Variants in CCDC192 observed in about 807,000 individuals in gnomAD.
CCDC192 encodes the protein coiled-coil domain-containing protein 192.
Position 127,940,912 on chromosome 5 carries a change from T to G in CCDC192, c.536-270T>G, listed in dbSNP as rs200780969. ...AATTATTCCCATGGTTAACTGAAAGTTAAATGCATATAAACAAGAGTTGGC... is the reference window on the plus strand; with the variant it reads ...AATTATTCCCATGGTTAACTGAAAGGTAAATGCATATAAACAAGAGTTGGC... On this transcript the variant is annotated intron_variant, in intron 6 of 6. Transcript: ENST00000514853. The G allele has an allele frequency of 5.7e-5, 17 of 298,524 alleles. 1 individual carries two copies. The East Asian group carries it at 9.3e-4, about 16-fold the overall frequency. 18.5% of individuals were successfully genotyped at this position (298,524 alleles called of 1,614,324 possible).
At chr5:127,802,387 C>A (rs1365618843) in intron 5 of CCDC192, among the ~76,000 whole-genome samples, 1 of 152,158 alleles carries the variant, frequency 6.6e-6, no homozygotes, top group Admixed American at 6.5e-5. Context: ...TGGCATTTAT[C>A]ATGTTGACAA....
chr5:127,785,246 A>G (rs557454938), intron 3 of CCDC192: 1 of 512,258 alleles, frequency 2.0e-6, no homozygotes, highest in East Asian at 5.4e-5. Flanking sequence ...AAAGCTGTGA[A>G]TTGCCGATAA....
chr5:127,887,738 C>T (rs868290919), intron 6 of CCDC192, among the ~76,000 whole-genome samples: 275 of 146,734 alleles, frequency 1.9e-3, no homozygotes, highest in African/African-American at 6.4e-3. Context: ...GAGTTTTGCT[C>T]TGTCACCCAG....
chr5:127,895,433 C>T (rs1462546793), intron 6 of CCDC192, among the ~76,000 whole-genome samples: 1 of 152,178 alleles, frequency 6.6e-6, no homozygotes, highest in East Asian at 1.9e-4. Context: ...TATGCCTTTT[C>T]CCATATCAGA....
chr5:127,890,496 T>G (rs1752702964), intron 6 of CCDC192, among the ~76,000 whole-genome samples: 1 of 151,852 alleles, frequency 6.6e-6, no homozygotes, highest in Non-Finnish European at 1.5e-5. Flanking sequence ...CCTTCATTGG[T>G]CTGGCTCAAG....
At chr5:127,769,877 C>T (rs541426695) in intron 3 of CCDC192, among the ~76,000 whole-genome samples, 1 of 152,172 alleles carries the variant, frequency 6.6e-6, no homozygotes, top group East Asian at 1.9e-4. Flanking sequence ...AGGCTGCTGG[C>T]AGCCCTCTTC....
chr5:127,915,898 G>A (rs555809741), intron 6 of CCDC192, among the ~76,000 whole-genome samples: 2 of 152,158 alleles, frequency 1.3e-5, no homozygotes, highest in Admixed American at 6.5e-5. Flanking sequence ...CTGAAGGTCT[G>A]GGGGGCTGTG....
intron 5 of CCDC192, among the ~76,000 whole-genome samples, chr5:127,856,275 G>A (rs1751092060): frequency 6.6e-6 from 1 of 152,210 alleles, no homozygotes; most frequent in African/African-American, 2.4e-5. Flanking sequence ...TAAACCTCGT[G>A]TATTAATCTT....
At chr5:127,708,636 T>C (rs1751106153) in intron 2 of CCDC192, among the ~76,000 whole-genome samples, 1 of 152,162 alleles carries the variant, frequency 6.6e-6, no homozygotes, top group African/African-American at 2.4e-5. Flanking sequence ...TTTGTGATGA[T>C]AGCCAAGTCA....
chr5:127,899,609 A>G (rs1752986724), intron 6 of CCDC192, among the ~76,000 whole-genome samples: 1 of 152,128 alleles, frequency 6.6e-6, no homozygotes, highest in Non-Finnish European at 1.5e-5. Context: ...AAGATCTTAA[A>G]CAGCTGTCCA....
intron 5 of CCDC192, among the ~76,000 whole-genome samples, chr5:127,856,146 A>G (rs958227594): frequency 1.3e-5 from 2 of 152,192 alleles, no homozygotes; most frequent in Non-Finnish European, 2.9e-5. Flanking sequence ...TCTGTTGTTT[A>G]GTGTAGCCAC....
chr5:127,711,411 AG>A (rs1751327743), intron 2 of CCDC192, among the ~76,000 whole-genome samples: 1 of 152,204 alleles, frequency 6.6e-6, no homozygotes, highest in Non-Finnish European at 1.5e-5. Context: ...CCCACTATAT[AG>A]GAAGTCAGCT....
intron 3 of CCDC192, 119 bp downstream of exon 3, chr5:127,754,494 TACACACACACAC>T (rs67832481): frequency 3.5e-6 from 1 of 285,842 alleles, no homozygotes; most frequent in Non-Finnish European, 6.1e-6. Flanking sequence ...CACACACACA[TACACACACACAC>T]ACACACATTG....
chr5:127,900,359 A>G (rs1264820099), intron 6 of CCDC192, among the ~76,000 whole-genome samples: 1 of 152,218 alleles, frequency 6.6e-6, no homozygotes, highest in Non-Finnish European at 1.5e-5. Context: ...ATTAATTACA[A>G]GCAAGTCAGT....
In CCDC192 at chr5:127,797,195, T is replaced by A; in HGVS notation, c.315T>A (p.Ser105Arg). Residue 105 changes from serine (S) to arginine (R), a missense_variant, in exon 4 of 7, where the codon AGT (serine) becomes AGA (arginine). By Grantham distance (110) the Ser-to-Arg change is moderately radical. Coordinates refer to ENST00000514853, the MANE Select transcript of CCDC192 (RefSeq NM_001317938.2). Reference sequence around the variant, plus strand: ...AGGCTGTGGACCACAAGGAAGCCAGTGGGGGACCATATGAAAAAATGGTTC... The same window carrying A: ...AGGCTGTGGACCACAAGGAAGCCAGAGGGGGACCATATGAAAAAATGGTTC... ...KLEAVDHKEA[S>R]GGPYEKMVLV... The A allele has an allele frequency of 2.5e-6, 1 of 398,332 alleles. No individual in the cohort carries two copies. The highest frequency in any genetic ancestry group is 4.4e-6 in the Non-Finnish European group (1 of 225,594). 24.7% of individuals were successfully genotyped at this position (398,332 alleles called of 1,614,324 possible). A position where few individuals can be genotyped will look rare whatever the true frequency, so the allele number is the denominator to read the frequency against.
chr5:127,925,806 G>T (rs1753846899), intron 6 of CCDC192, among the ~76,000 whole-genome samples: 1 of 152,060 alleles, frequency 6.6e-6, no homozygotes, highest in African/African-American at 2.4e-5. Context: ...TTTCCCCTTG[G>T]CATCTTCTGA....
Position 127,797,201 on chromosome 5 carries a change from A to C in CCDC192, c.321A>C (p.Gly107=), listed in dbSNP as rs981096730. 1 of 398,186 alleles carries C rather than the reference A, an allele frequency of 2.5e-6. No individual in the cohort carries two copies. Among genetic ancestry groups the C allele is most frequent in the African/African-American group, 2.1e-5 (1 of 48,570 alleles). The allele number at this position is 398,186 out of a possible 1,614,324, so 24.7% of individuals were successfully genotyped here. Residue 107 remains glycine, a synonymous_variant, in exon 4 of 7, where the codon GGA becomes GGC. Transcript: ENST00000514853. ...EAVDHKEASG[G]PYEKMVLVKD... is the part of the protein sequence containing the mutation. Reference sequence around the variant, plus strand: ...TGGACCACAAGGAAGCCAGTGGGGGACCATATGAAAAAATGGTTCTTGTGA... The same window carrying C: ...TGGACCACAAGGAAGCCAGTGGGGGCCCATATGAAAAAATGGTTCTTGTGA...
intron 5 of CCDC192, among the ~76,000 whole-genome samples, chr5:127,864,754 G>A (rs1751527645): frequency 6.6e-6 from 1 of 152,014 alleles, no homozygotes; most frequent in Non-Finnish European, 1.5e-5. Flanking sequence ...TCTTTTATTG[G>A]GTCATGTCTT....
intron 2 of CCDC192, among the ~76,000 whole-genome samples, chr5:127,735,336 T>C (rs1329967194): frequency 2.1e-5 from 3 of 146,176 alleles, no homozygotes; most frequent in Non-Finnish European, 4.5e-5. Context: ...TGTAGCCTTG[T>C]AGTATAGTTT....
Sources: gnomAD v4.1 joint callset for allele counts (sites outside exome capture counted in the v4.1 genomes callset) on GRCh38, gnomAD v4.1.1 for gene constraint, MANE v1.5 for transcripts, NCBI Gene and HGNC (gene_info 2026-07-23, HGNC 2026-07-21) for gene names.